The following MICU2 variants were observed in gnomAD, a reference collection of about 807,000 sequenced individuals.
The protein encoded by MICU2 is calcium uptake protein 2, mitochondrial.
In MICU2, 64 loss-of-function variants were observed where a neutral mutation model predicts 60.4. The observed-to-expected ratio is 1.06, with a 90% CI of 0.87 to 1.31. MICU2 has a LOEUF of 1.31. Among genes scored for constraint, MICU2 ranks in the 50% most tolerant of loss-of-function variants. The pLI, the probability that MICU2 is intolerant of heterozygous loss-of-function variation, is 0.00. For synonymous variants in MICU2, 201 were observed against 175.0 expected, an observed-to-expected ratio of 1.15 and a Z score of -1.17; for missense variants, 569 against 531.0, an observed-to-expected ratio of 1.07 and a Z score of -0.70.
At chr13:21,570,820 T>C (rs777830917) in intron 1 of MICU2, among the ~76,000 whole-genome samples, 18 of 152,178 alleles carry the variant, frequency 1.2e-4, no homozygotes, top group African/African-American at 4.1e-4. Context: ...AGTTTGCTTA[T>C]TAACTACTTC....
intron 9 of MICU2, among the ~76,000 whole-genome samples, chr13:21,501,701 T>A (rs188569192): frequency 2.6e-5 from 4 of 152,354 alleles, no homozygotes; most frequent in African/African-American, 7.2e-5. Context: ...GGTGGGGTTA[T>A]GTGATTAGTC....
At chr13:21,510,982 G>A (rs773631819) in intron 7 of MICU2, among the ~76,000 whole-genome samples, 9 of 152,178 alleles carry the variant, frequency 5.9e-5, no homozygotes, top group Non-Finnish European at 8.8e-5. Flanking sequence ...TGGGACTTGA[G>A]CACAGTGAAG....
At chr13:21,502,744 ACTGATT>A in intron 9 of MICU2, 176 bp downstream of exon 9, 1 of 480,984 alleles carries the variant, frequency 2.1e-6, no homozygotes, top group South Asian at 3.0e-5. Flanking sequence ...TAATTGCTAC[ACTGATT>A]CTGTCTTAGG....
At chr13:21,518,195 T>A (rs550931406) in intron 6 of MICU2, among the ~76,000 whole-genome samples, 1 of 152,340 alleles carries the variant, frequency 6.6e-6, no homozygotes, top group African/African-American at 2.4e-5. Context: ...AAAATGTATT[T>A]GAAAAAATTT....
At chr13:21,530,905 A>C in intron 4 of MICU2, 1 of 757,656 alleles carries the variant, frequency 1.3e-6, no homozygotes. Context: ...ATGGGCTGAT[A>C]TAGATCTAGT....
chr13:21,549,122 G>A (rs1028756675), intron 2 of MICU2, among the ~76,000 whole-genome samples: 1 of 151,654 alleles, frequency 6.6e-6, no homozygotes, highest in Non-Finnish European at 1.5e-5. Flanking sequence ...GTAGAGACGG[G>A]GTTTCACCGT....
intron 1 of MICU2, among the ~76,000 whole-genome samples, chr13:21,599,413 C>T (rs1888766493): frequency 6.6e-6 from 1 of 152,212 alleles, no homozygotes; most frequent in Non-Finnish European, 1.5e-5. Context: ...TCTGATTTTA[C>T]ATGTCTGAAT....
rs1398038107 is a variant in MICU2 at position 21,565,653 on chromosome 13, G to A, written c.358+1144C>T. 3.9e-5 allele frequency among the ~76,000 whole-genome samples: 6 copies of A among 152,228 alleles called. No homozygotes were observed. The South Asian group carries it at 1.0e-3, about 26-fold the overall frequency. ...AGCCTGGGCGACAGAGCGAGACTCC[G>A]TCTCAAAAAACAAACAAACAAAAAC... On this transcript the variant is annotated intron_variant, in intron 2 of 11. Coordinates refer to ENST00000382374, the MANE Select transcript of MICU2 (RefSeq NM_152726.3).
intron 4 of MICU2, among the ~76,000 whole-genome samples, chr13:21,527,736 T>A (rs1306721410): frequency 6.6e-6 from 1 of 152,230 alleles, no homozygotes; most frequent in African/African-American, 2.4e-5. Flanking sequence ...TAAAAGTTTG[T>A]TAAAGAATCT....
At chr13:21,520,739 T>C (rs1886697299) in intron 6 of MICU2, among the ~76,000 whole-genome samples, 1 of 152,012 alleles carries the variant, frequency 6.6e-6, no homozygotes, top group Non-Finnish European at 1.5e-5. Context: ...AGTTACATCT[T>C]AGAAAATACC....
chr13:21,500,919 G>T (rs1385296791), intron 9 of MICU2, among the ~76,000 whole-genome samples: 1 of 152,042 alleles, frequency 6.6e-6, no homozygotes, highest in Non-Finnish European at 1.5e-5. Flanking sequence ...GCTTAGAAAG[G>T]TATATAACCT....
chr13:21,538,310 C>T (rs985981422), intron 4 of MICU2, among the ~76,000 whole-genome samples: 4 of 152,066 alleles, frequency 2.6e-5, no homozygotes, highest in Non-Finnish European at 5.9e-5. Context: ...TGGCTCATGC[C>T]TGTAATCCCA....
chr13:21,574,259 C>T (rs1888176514), intron 1 of MICU2, among the ~76,000 whole-genome samples: 1 of 152,166 alleles, frequency 6.6e-6, no homozygotes, highest in Non-Finnish European at 1.5e-5. Flanking sequence ...ATTTGCTTCT[C>T]AAACCTGCAT....
intron 1 of MICU2, among the ~76,000 whole-genome samples, chr13:21,596,839 T>G (rs1276131068): frequency 6.6e-6 from 1 of 152,240 alleles, no homozygotes; most frequent in African/African-American, 2.4e-5. Flanking sequence ...GAGCTTGTTA[T>G]ATTTATATCT....
At chr13:21,556,693 G>A (rs532708152) in intron 2 of MICU2, among the ~76,000 whole-genome samples, 1 of 152,250 alleles carries the variant, frequency 6.6e-6, no homozygotes, top group East Asian at 1.9e-4. Context: ...ATGTAGGCAA[G>A]TTCTCGGGCA....
chr13:21,500,787 C>G (rs532959435), intron 9 of MICU2, among the ~76,000 whole-genome samples: 1 of 152,032 alleles, frequency 6.6e-6, no homozygotes, highest in Non-Finnish European at 1.5e-5. Flanking sequence ...CAATATCTCC[C>G]CCTTCTTCAT....
chr13:21,579,587 C>T (rs1304539906), intron 1 of MICU2, among the ~76,000 whole-genome samples: 4 of 152,134 alleles, frequency 2.6e-5, no homozygotes, highest in African/African-American at 7.2e-5. Flanking sequence ...GGCGATCCAC[C>T]CACCTCAGCC....
At chr13:21,553,914 A>G (rs1298984354) in intron 2 of MICU2, among the ~76,000 whole-genome samples, 1 of 152,162 alleles carries the variant, frequency 6.6e-6, no homozygotes, top group Admixed American at 6.5e-5. Context: ...TTAAACCAAC[A>G]AAGATCAAAA....
At chr13:21,538,666 A>G (rs1302763400) in intron 4 of MICU2, among the ~76,000 whole-genome samples, 3 of 152,088 alleles carry the variant, frequency 2.0e-5, no homozygotes, top group Non-Finnish European at 2.9e-5. Context: ...ATTAGGTATT[A>G]TAAGTAATCT....
Sources: gnomAD v4.1 joint callset for allele counts (sites outside exome capture counted in the v4.1 genomes callset) on GRCh38, gnomAD v4.1.1 for gene constraint, MANE v1.5 for transcripts, NCBI Gene and HGNC (gene_info 2026-07-23, HGNC 2026-07-21) for gene names.